Variants in SLC35D4 observed in about 807,000 individuals in gnomAD.
The protein encoded by SLC35D4 is UDP-N-acetylglucosamine transporter SLC35D4.
At chr18:23,253,701 C>CT in the SLC35D4 span, 2 of 1,595,336 alleles carry the variant, frequency 1.3e-6, no homozygotes, top group Admixed American at 3.4e-5. Context: ...TTTCACAAGA[C>CT]TGTTCCCTCT....
chr18:23,358,840 T>C, the SLC35D4 span, among the ~76,000 whole-genome samples: 2 of 152,186 alleles, frequency 1.3e-5, no homozygotes, highest in Non-Finnish European at 2.9e-5. Flanking sequence ...TGACCTCAAA[T>C]ATTCCCCTTC....
At chr18:23,318,994 C>T in the SLC35D4 span, among the ~76,000 whole-genome samples, 3 of 151,478 alleles carry the variant, frequency 2.0e-5, no homozygotes, top group Non-Finnish European at 4.4e-5. Context: ...CAGGTGCATG[C>T]CACCATGCCT....
chr18:23,410,486 A>T, the SLC35D4 span, among the ~76,000 whole-genome samples: 1 of 150,878 alleles, frequency 6.6e-6, no homozygotes, highest in Non-Finnish European at 1.5e-5. Flanking sequence ...TCAAAAAAAA[A>T]AAAAAGGTGC....
chr18:23,275,124 G>C, the SLC35D4 span, among the ~76,000 whole-genome samples: 1 of 151,918 alleles, frequency 6.6e-6, no homozygotes, highest in Non-Finnish European at 1.5e-5. Context: ...GCATGTGTGT[G>C]TGCTTGTGTG....
chr18:23,264,831 G>C, the SLC35D4 span, among the ~76,000 whole-genome samples: 2 of 151,938 alleles, frequency 1.3e-5, no homozygotes, highest in Admixed American at 6.6e-5. Flanking sequence ...TTTTTGTAGA[G>C]ATGAGGTTTC....
the SLC35D4 span, among the ~76,000 whole-genome samples, chr18:23,362,732 G>T: frequency 6.6e-6 from 1 of 152,224 alleles, no homozygotes; most frequent in African/African-American, 2.4e-5. Flanking sequence ...GTCTCCCTCT[G>T]CTAGTCGCCT....
At chr18:23,246,900 C>T in the SLC35D4 span, among the ~76,000 whole-genome samples, 2 of 152,152 alleles carry the variant, frequency 1.3e-5, no homozygotes, top group Non-Finnish European at 1.5e-5. Context: ...ACCATGTTGG[C>T]CAAGCTGGTC....
the SLC35D4 span, among the ~76,000 whole-genome samples, chr18:23,371,935 G>GTTTTTTGTTT: frequency 2.8e-5 from 1 of 35,480 alleles, no homozygotes; most frequent in African/African-American, 1.2e-4. Context: ...TGTTTTTTTT[G>GTTTTTTGTTT]TTTTTTTTTT....
chr18:23,346,313 T>C, the SLC35D4 span, among the ~76,000 whole-genome samples: 39 of 152,230 alleles, frequency 2.6e-4, no homozygotes, highest in South Asian at 5.2e-3. Flanking sequence ...TTCTTATTTT[T>C]TGTAGAGACA....
the SLC35D4 span, among the ~76,000 whole-genome samples, chr18:23,306,008 TG>T: frequency 2.0e-5 from 3 of 152,216 alleles, no homozygotes; most frequent in African/African-American, 7.2e-5. Flanking sequence ...ACAGGGCCAC[TG>T]GTGCTGCCCC....
At chr18:23,434,144 A>G in the SLC35D4 span, among the ~76,000 whole-genome samples, 18 of 152,238 alleles carry the variant, frequency 1.2e-4, 1 homozygote, top group South Asian at 3.5e-3. Context: ...TCAAGCTTAT[A>G]AGAGATATAA....
the SLC35D4 span, among the ~76,000 whole-genome samples, chr18:23,272,793 A>G: frequency 6.6e-6 from 1 of 152,200 alleles, no homozygotes; most frequent in Non-Finnish European, 1.5e-5. Context: ...ATTATTTACT[A>G]TAGAAACTTC....
At chr18:23,432,145 T>C in the SLC35D4 span, among the ~76,000 whole-genome samples, 4 of 152,236 alleles carry the variant, frequency 2.6e-5, no homozygotes, top group Non-Finnish European at 5.9e-5. Context: ...AAGGATTAAC[T>C]GAGCATCTGA....
chr18:23,390,924 T>C, the SLC35D4 span, among the ~76,000 whole-genome samples: 2 of 152,166 alleles, frequency 1.3e-5, no homozygotes, highest in African/African-American at 4.8e-5. Flanking sequence ...AAATCGTGCA[T>C]GCAAGAAATA....
At chr18:23,348,745 T>C in the SLC35D4 span, among the ~76,000 whole-genome samples, 1 of 152,250 alleles carries the variant, frequency 6.6e-6, no homozygotes, top group East Asian at 1.9e-4. Context: ...ATAACTGTTA[T>C]AGACAGCATA....
chr18:23,241,272 A>C, the SLC35D4 span, among the ~76,000 whole-genome samples: 1 of 151,988 alleles, frequency 6.6e-6, no homozygotes, highest in Non-Finnish European at 1.5e-5. Context: ...TATAAATCCC[A>C]GCACTTTGGG....
At chr18:23,410,396 T>C in the SLC35D4 span, among the ~76,000 whole-genome samples, 53 of 150,206 alleles carry the variant, frequency 3.5e-4, no homozygotes, top group African/African-American at 1.2e-3. Flanking sequence ...GAGAATGGCA[T>C]GAACCCGGGA....
At chr18:23,260,010 G>C in the SLC35D4 span, 1 of 152,054 alleles carries the variant, frequency 6.6e-6, no homozygotes, top group Non-Finnish European at 1.5e-5. Flanking sequence ...TAGGGGGCCC[G>C]GGACTCCTCT....
the SLC35D4 span, among the ~76,000 whole-genome samples, chr18:23,380,591 C>G: frequency 6.6e-6 from 1 of 152,164 alleles, no homozygotes; most frequent in Non-Finnish European, 1.5e-5. Flanking sequence ...TGCGTTAAGG[C>G]TAAGAAATGC....
Sources: allele counts gnomAD v4.1 joint callset (sites outside exome capture counted in the v4.1 genomes callset), GRCh38; gene constraint gnomAD v4.1.1; transcripts MANE v1.5; gene names NCBI Gene and HGNC (gene_info 2026-07-23, HGNC 2026-07-21).